Variants in CUX1 observed in about 807,000 individuals in gnomAD.
CUX1 encodes cut like homeobox 1.
CUX1 carries 31 observed loss-of-function variants against 158.8 expected under a neutral mutation model. The ratio of observed to expected loss-of-function variants is 0.20; its 90% confidence interval spans 0.15 to 0.26. The LOEUF (loss-of-function observed/expected upper bound fraction) is 0.26, where lower values mean the gene tolerates loss of function less well. Ranked by LOEUF, CUX1 falls within the 10% of genes least tolerant of loss-of-function variation. CUX1 has a pLI of 1.00. For synonymous variants in CUX1, 879 were observed against 862.1 expected, an observed-to-expected ratio of 1.02 and a Z score of -0.34; for missense variants, 1,589 against 2,014.6, an observed-to-expected ratio of 0.79 and a Z score of 4.04.
intron 8 of CUX1, among the ~76,000 whole-genome samples, chr7:102,118,506 C>T (rs1170764675): frequency 1.3e-5 from 2 of 152,002 alleles, no homozygotes; most frequent in African/African-American, 4.8e-5. Flanking sequence ...CACTGCACTG[C>T]GACCTGGGTG....
intron 1 of CUX1, among the ~76,000 whole-genome samples, chr7:101,866,693 C>T (rs942128801): frequency 1.3e-5 from 2 of 152,028 alleles, no homozygotes; most frequent in African/African-American, 2.4e-5. Context: ...TGATCATTCA[C>T]CGTTGAGACA....
chr7:102,211,310 G>A (rs1796491270), intron 20 of CUX1, among the ~76,000 whole-genome samples: 1 of 151,784 alleles, frequency 6.6e-6, no homozygotes, highest in African/African-American at 2.4e-5. Flanking sequence ...GTCAGGCATG[G>A]TGGCTTGCAC....
At chr7:102,113,606 G>A (rs1212255074) in intron 7 of CUX1, among the ~76,000 whole-genome samples, 1 of 151,744 alleles carries the variant, frequency 6.6e-6, no homozygotes, top group African/African-American at 2.4e-5. Context: ...CGCTCAGGTT[G>A]GAGAGCAGTG....
chr7:101,949,276 C>T (rs889801292), intron 2 of CUX1, among the ~76,000 whole-genome samples: 1 of 151,296 alleles, frequency 6.6e-6, no homozygotes, highest in Non-Finnish European at 1.5e-5. Flanking sequence ...GGACTACAGG[C>T]GCCCGCCACC....
intron 2 of CUX1, among the ~76,000 whole-genome samples, chr7:102,003,222 C>T (rs1218735556): frequency 1.3e-5 from 2 of 151,278 alleles, no homozygotes; most frequent in Non-Finnish European, 2.9e-5. Context: ...TAGAGAGGCC[C>T]CTTGATCCCA....
At chr7:102,072,038 A>G (rs1184370716) in intron 4 of CUX1, among the ~76,000 whole-genome samples, 1 of 152,190 alleles carries the variant, frequency 6.6e-6, no homozygotes, top group African/African-American at 2.4e-5. Context: ...AGGCTCCTTC[A>G]CAGTAAAATG....
Position 102,256,092 on chromosome 7 carries a change from T to A in CUX1, c.*7050T>A. On this transcript the variant is annotated 3_prime_UTR_variant, in exon 24 of 24. Coordinates refer to ENST00000292535, the MANE Select transcript of CUX1 (RefSeq NM_181552.4). ...TCCAGTCTCCCAGCCTGCCTCTTGGTGACCACTGTGCTGGGCGTGCAGGGC... is the reference window on the plus strand; with the variant it reads ...TCCAGTCTCCCAGCCTGCCTCTTGGAGACCACTGTGCTGGGCGTGCAGGGC... The A allele has an allele frequency of 2.0e-6, 2 of 985,490 alleles. No homozygotes were observed. Among genetic ancestry groups the A allele is most frequent in the Non-Finnish European group, 2.4e-6 (2 of 829,962 alleles). The allele number at this position is 985,490 out of a possible 1,614,324, so 61.0% of individuals were successfully genotyped here. A position where few individuals can be genotyped will look rare whatever the true frequency, so the allele number is the denominator to read the frequency against.
At chr7:102,034,701 C>T (rs1477534642) in intron 3 of CUX1, among the ~76,000 whole-genome samples, 8 of 144,490 alleles carry the variant, frequency 5.5e-5, no homozygotes, top group African/African-American at 1.5e-4. Context: ...TGCAGTGAGC[C>T]GGGATCGTGC....
intron 4 of CUX1, among the ~76,000 whole-genome samples, chr7:102,088,131 G>A (rs965691908): frequency 6.6e-6 from 1 of 151,860 alleles, no homozygotes; most frequent in African/African-American, 2.4e-5. Flanking sequence ...CCCAGTAACT[G>A]GGATTACAGG....
At chr7:102,088,082 C>T (rs545478352) in intron 4 of CUX1, among the ~76,000 whole-genome samples, 33 of 151,982 alleles carry the variant, frequency 2.2e-4, no homozygotes, top group African/African-American at 7.0e-4. Context: ...ACTGCAACCT[C>T]CATCTCCCAG....
intron 1 of CUX1, among the ~76,000 whole-genome samples, chr7:101,911,293 A>G (rs1803412903): frequency 6.7e-6 from 1 of 149,710 alleles, no homozygotes; most frequent in South Asian, 2.1e-4. Context: ...GGATGACCTG[A>G]GCCTTGGTCT....
In CUX1 at chr7:102,201,571, A is replaced by G. The variant is rs60987662; in HGVS notation, c.2274A>G (p.Pro758=). Reference sequence around the variant, plus strand: ...CCATGCCCACCGTGTCCAGCTACCCACCTCTCGCCATCTCCCTGAAGAAGC... The same window carrying G: ...CCATGCCCACCGTGTCCAGCTACCCGCCTCTCGCCATCTCCCTGAAGAAGC... ...TSPMPTVSSY[P]PLAISLKKPS... Residue 758 remains proline, a synonymous_variant, in exon 18 of 24, where the codon CCA becomes CCG. Coordinates refer to ENST00000292535, the MANE Select transcript of CUX1 (RefSeq NM_181552.4). The surrounding 1 kb of genome is among the most constrained non-coding windows in gnomAD (Gnocchi z 5.0). The G allele has an allele frequency of 0.37, 598,437 of 1,613,300 alleles. 113,674 individuals are homozygous for G. The highest frequency in any genetic ancestry group is 0.46 in the Middle Eastern group (2,797 of 6,062).
Position 102,250,806 on chromosome 7 carries a change from T to A in CUX1, c.*1764T>A. On this transcript the variant is annotated 3_prime_UTR_variant, in exon 24 of 24. Coordinates refer to ENST00000292535, the MANE Select transcript of CUX1 (RefSeq NM_181552.4). Reference sequence around the variant, plus strand: ...TGCGTGCGTGTGCGTGTGTGCAATTTTATACGTCTGTGTATTTTCTTAAGT... The same window carrying A: ...TGCGTGCGTGTGCGTGTGTGCAATTATATACGTCTGTGTATTTTCTTAAGT... The A allele has an allele frequency of 1.0e-6, 1 of 985,440 alleles. No homozygotes were observed. The highest frequency in any genetic ancestry group is 1.2e-6 in the Non-Finnish European group (1 of 829,944). The allele number at this position is 985,440 out of a possible 1,614,324, so 61.0% of individuals were successfully genotyped here.
At chr7:101,821,683 T>C (rs1292408856) in intron 1 of CUX1, among the ~76,000 whole-genome samples, 1 of 112,780 alleles carries the variant, frequency 8.9e-6, no homozygotes, top group African/African-American at 3.4e-5. Context: ...TTTTTTTTTT[T>C]TTTTTTTTTT....
chr7:101,833,081 C>T (rs1219328414), intron 1 of CUX1, among the ~76,000 whole-genome samples: 7 of 152,044 alleles, frequency 4.6e-5, no homozygotes, highest in Admixed American at 2.0e-4. Context: ...AGGGTGCGTT[C>T]GACTGAACGT....
chr7:102,016,798 A>G (rs1032754875), intron 2 of CUX1, among the ~76,000 whole-genome samples: 9 of 152,212 alleles, frequency 5.9e-5, no homozygotes, highest in South Asian at 2.1e-4. Flanking sequence ...TAGACTCCTG[A>G]AAGTACTAAG....
At chr7:102,039,965 G>C (rs1209775062) in intron 3 of CUX1, among the ~76,000 whole-genome samples, 2 of 152,114 alleles carry the variant, frequency 1.3e-5, no homozygotes, top group East Asian at 3.9e-4. Context: ...CTTACATGCA[G>C]CGCGCTGGCC....
At chr7:102,036,929 A>G (rs1821497946) in intron 3 of CUX1, among the ~76,000 whole-genome samples, 1 of 152,184 alleles carries the variant, frequency 6.6e-6, no homozygotes, top group African/African-American at 2.4e-5. Context: ...ACTGGCTGCT[A>G]TCTGTAATCC....
exon 15 of CUX1, chr7:102,273,490 C>T (rs370845468): frequency 5.0e-6 from 8 of 1,610,032 alleles, no homozygotes; most frequent in South Asian, 3.3e-5. Flanking sequence ...GGCCCGATGC[C>T]GAGGTGAGCC....
Sources: gnomAD v4.1 joint callset for allele counts (sites outside exome capture counted in the v4.1 genomes callset) on GRCh38, gnomAD v4.1.1 for gene constraint, Gnocchi (gnomAD v3.1) non-coding constraint, MANE v1.5 for transcripts, NCBI Gene and HGNC (gene_info 2026-07-23, HGNC 2026-07-21) for gene names.